The following DNAH17 variants were observed in gnomAD, a reference collection of about 807,000 sequenced individuals.
The protein encoded by DNAH17 is axonemal beta dynein heavy chain 17.
Under a neutral mutation model 485.6 loss-of-function variants are expected in DNAH17, and 376 were observed. The observed-to-expected ratio is 0.77, with a 90% CI of 0.71 to 0.84. The LOEUF (loss-of-function observed/expected upper bound fraction) is 0.84. Among genes scored for constraint, DNAH17 ranks in the 40% least tolerant of loss-of-function variants. The pLI is 0.00. For missense variants in DNAH17, 6,370 were observed against 5,839.3 expected (o/e 1.09, Z -2.96); for synonymous variants, 3,031 against 2,405.9 (o/e 1.26, Z -7.60).
intron 54 of DNAH17, among the ~76,000 whole-genome samples, chr17:78,473,714 G>A (rs2088879864): frequency 6.6e-6 from 1 of 152,080 alleles, no homozygotes; most frequent in South Asian, 2.1e-4. Flanking sequence ...AGCCCCAACA[G>A]GAAGGATCAG....
At chr17:78,516,682 T>TC in intron 25 of DNAH17, among the ~76,000 whole-genome samples, 1 of 107,104 alleles carries the variant, frequency 9.3e-6, no homozygotes, top group Admixed American at 1.2e-4. Flanking sequence ...AGAGCAAGAC[T>TC]CCATCTCAGA....
Position 78,425,440 on chromosome 17 carries a change from C to G in DNAH17, c.13047G>C (p.Lys4349Asn). ...MARKNEWPLD[K>N]MCLSVEVTKK... ...TGGTCACCTCGACAGACAGACACAT[C>G]TTGTCCAGGGGCCACTCGTTCTTCC... Residue 4349 changes from lysine to asparagine, a missense_variant, in exon 80 of 81, where the codon AAG (lysine) becomes AAC (asparagine). Lys to Asn is a moderately conservative substitution (Grantham distance 94). Transcript: ENST00000389840. 1 of 1,613,982 alleles carries G rather than the reference C, an allele frequency of 6.2e-7. No individual in the cohort carries two copies. Among genetic ancestry groups the G allele is most frequent in the Non-Finnish European group, 8.5e-7 (1 of 1,179,902 alleles).
chr17:78,481,881 G>A (rs1472004055), intron 48 of DNAH17, among the ~76,000 whole-genome samples: 1 of 151,978 alleles, frequency 6.6e-6, no homozygotes, highest in African/African-American at 2.4e-5. Flanking sequence ...CAGGCATGGT[G>A]GCAGGCACCT....
In DNAH17 at chr17:78,495,239, G is replaced by A. The variant is rs76907145; in HGVS notation, c.5904-142C>T. 2.0e-3 allele frequency: 2,267 copies of A among 1,126,478 alleles called. 29 individuals are homozygous for A. The African/African-American group carries it at 0.031, about 15-fold the overall frequency. 69.8% of individuals were successfully genotyped at this position (1,126,478 alleles called of 1,614,324 possible). A position where few individuals can be genotyped will look rare whatever the true frequency, so the allele number is the denominator to read the frequency against. The stretch of plus-strand genomic sequence containing the variant: ...GTGTTGAACCTTCGGTCCTGGAGCC[G>A]GGCTCCCAGCCCGCCTGCTCCCTAC... On this transcript the variant is annotated intron_variant, in intron 38 of 80. Transcript: ENST00000389840.
chr17:78,441,996 T>A (rs2146461934), intron 71 of DNAH17, among the ~76,000 whole-genome samples: 1 of 151,848 alleles, frequency 6.6e-6, no homozygotes, highest in South Asian at 2.1e-4. Flanking sequence ...GGCAGGAGAA[T>A]CTCTGGAACC....
intron 9 of DNAH17, among the ~76,000 whole-genome samples, chr17:78,567,956 C>T (rs929996618): frequency 3.9e-5 from 6 of 152,188 alleles, no homozygotes; most frequent in Non-Finnish European, 8.8e-5. Context: ...GTGGACTTGA[C>T]ATCACTCCCC....
chr17:78,483,448 A>G (rs9302880), intron 48 of DNAH17, among the ~76,000 whole-genome samples: 114,172 of 151,792 alleles, frequency 0.75, 43,040 homozygotes, highest in Admixed American at 0.82. Context: ...TGGCCAATAT[A>G]GTTAAGCCCC....
intron 51 of DNAH17, among the ~76,000 whole-genome samples, chr17:78,477,137 G>A (rs1467808009): frequency 6.6e-6 from 1 of 152,190 alleles, no homozygotes; most frequent in Non-Finnish European, 1.5e-5. Flanking sequence ...GTGACTCTAG[G>A]CAAGCTCGAC....
chr17:78,476,423 G>T, intron 52 of DNAH17, 149 bp downstream of exon 52: 1 of 977,808 alleles, frequency 1.0e-6, no homozygotes, highest in Non-Finnish European at 1.5e-6. Flanking sequence ...ACAGCCACTT[G>T]CTGGAATGAT....
In DNAH17 at chr17:78,450,359, G is replaced by T. The variant is rs201925330; in HGVS notation, c.10935C>A (p.Asn3645Lys). 6 of 1,613,966 alleles carry T rather than the reference G, an allele frequency of 3.7e-6. No homozygotes were observed. The highest frequency in any genetic ancestry group is 5.1e-6 in the Non-Finnish European group (6 of 1,179,872). ...CCGGGCGGTAGTTCTCTCTCGCTTC[G>T]TTGATTTTAACTTCTGTGATTTTTG... ...VEAKITEVKI[N>K]EARENYRPAA... Residue 3645 changes from asparagine (N) to lysine (K), a missense_variant, in exon 68 of 81, where the codon AAC (asparagine) becomes AAA (lysine). Asn to Lys is a moderately conservative substitution (Grantham distance 94). Transcript: ENST00000389840.
chr17:78,472,195 G>A (rs909573450), intron 54 of DNAH17, among the ~76,000 whole-genome samples: 1 of 152,036 alleles, frequency 6.6e-6, no homozygotes, highest in Non-Finnish European at 1.5e-5. Flanking sequence ...GCAGGACACG[G>A]AGCCGAGATT....
At position 78,505,374 on chromosome 17, in the gene DNAH17, T is replaced by C. The variant is rs757677162; in HGVS notation, c.4875A>G (p.Lys1625=). Residue 1625 remains lysine (K), a synonymous_variant, in exon 31 of 81, where the codon AAA becomes AAG. Transcript: ENST00000389840. The stretch of plus-strand genomic sequence containing the variant: ...ACATTCCCAGGCCCACCTTGAGAGG[T>C]TTGTCACTGGCATCGAGCCGGAACT... ...KLKFRLDASD[K]PLKVGLGMYS... is the part of the protein sequence containing the mutation. 1 of 1,613,678 alleles carries C rather than the reference T, an allele frequency of 6.2e-7. No homozygotes were observed. Among genetic ancestry groups the C allele is most frequent in the African/African-American group, 1.3e-5 (1 of 74,834 alleles).
intron 78 of DNAH17, 96 bp downstream of exon 78, chr17:78,426,829 TC>T: frequency 6.9e-7 from 1 of 1,438,942 alleles, no homozygotes; most frequent in South Asian, 1.3e-5. Flanking sequence ...ACCATGCTGA[TC>T]CGGGGCCTGT....
chr17:78,464,169 C>G (rs2146545064), intron 56 of DNAH17, among the ~76,000 whole-genome samples: 1 of 152,300 alleles, frequency 6.6e-6, no homozygotes, highest in South Asian at 2.1e-4. Context: ...TGCTCATCCC[C>G]CCTACTGAGT....
At chr17:78,526,472 A>G (rs955492349) in intron 24 of DNAH17, among the ~76,000 whole-genome samples, 179 bp downstream of exon 24, 1 of 152,160 alleles carries the variant, frequency 6.6e-6, no homozygotes, top group Non-Finnish European at 1.5e-5. Flanking sequence ...GTTCACGTAC[A>G]CACCCATGCA....
chr17:78,528,693 G>A (rs1473685554), intron 22 of DNAH17, among the ~76,000 whole-genome samples: 6 of 152,090 alleles, frequency 3.9e-5, no homozygotes, highest in Non-Finnish European at 7.4e-5. Context: ...TGGCTGGGAG[G>A]CAGCTCTAGG....
At position 78,440,931 on chromosome 17, in the gene DNAH17, G is replaced by A. The variant is rs544426299; in HGVS notation, c.11677+120C>T. 8.0e-5 allele frequency: 99 copies of A among 1,237,542 alleles called. No homozygotes were observed. The Admixed American group carries it at 8.9e-4, about 11-fold the overall frequency. 76.7% of individuals were successfully genotyped at this position (1,237,542 alleles called of 1,614,324 possible). On this transcript the variant is annotated intron_variant, in intron 72 of 80. Coordinates refer to ENST00000389840, the MANE Select transcript of DNAH17 (RefSeq NM_173628.4). ...TCTTGATCATTGCCATCCTACCGGC[G>A]TGAAGCCGCGTCTTGGGTGTGAAGT...
chr17:78,483,710 C>T (rs1323219982), intron 48 of DNAH17, among the ~76,000 whole-genome samples: 5 of 152,144 alleles, frequency 3.3e-5, no homozygotes, highest in African/African-American at 4.8e-5. Context: ...CTACCTAACC[C>T]CCCATGCCTG....
At chr17:78,430,035 G>A (rs186257297) in intron 75 of DNAH17, among the ~76,000 whole-genome samples, 4 of 152,278 alleles carry the variant, frequency 2.6e-5, no homozygotes, top group East Asian at 1.9e-4. Flanking sequence ...TTCCCACCCC[G>A]CCGCCGTTCC....
Sources: allele counts gnomAD v4.1 joint callset (sites outside exome capture counted in the v4.1 genomes callset), GRCh38; gene constraint gnomAD v4.1.1; transcripts MANE v1.5; gene names NCBI Gene and HGNC (gene_info 2026-07-23, HGNC 2026-07-21).